Variants in GPHN observed in about 807,000 individuals in gnomAD.
GPHN encodes gephyrin.
A neutral mutation model predicts 95.5 loss-of-function variants in GPHN; 17 were observed. That is an observed-to-expected ratio of 0.18 (90% CI 0.12 to 0.27). The LOEUF is 0.27. Ranked by LOEUF, GPHN falls within the 10% of genes least tolerant of loss-of-function variation. The pLI, the probability that GPHN is intolerant of heterozygous loss-of-function variation, is 1.00. For missense variants in GPHN, 660 were observed against 978.1 expected (o/e 0.67, Z 4.34); for synonymous variants, 320 against 322.5 (o/e 0.99, Z 0.08).
chr14:66,937,769 G>A (rs911835169), intron 8 of GPHN, among the ~76,000 whole-genome samples: 2 of 152,182 alleles, frequency 1.3e-5, no homozygotes, highest in African/African-American at 4.8e-5. Flanking sequence ...TTTTCTTAGG[G>A]AATCTCAGAT....
chr14:66,937,663 C>T (rs1365006303), intron 8 of GPHN, among the ~76,000 whole-genome samples: 1 of 152,166 alleles, frequency 6.6e-6, no homozygotes, highest in African/African-American at 2.4e-5. Context: ...AGGCATGAGC[C>T]ACCGCACCTG....
chr14:67,086,631 G>A (rs1407430885), intron 11 of GPHN, among the ~76,000 whole-genome samples: 1 of 144,158 alleles, frequency 6.9e-6, no homozygotes, highest in South Asian at 2.2e-4. Context: ...CAGCCTGGGC[G>A]ACAGCGAGAC....
chr14:66,574,676 G>A (rs1292113972), intron 1 of GPHN, among the ~76,000 whole-genome samples: 2 of 152,190 alleles, frequency 1.3e-5, no homozygotes, highest in African/African-American at 4.8e-5. Flanking sequence ...ATGTTCTAGA[G>A]AAGATTTGTT....
the GPHN span, among the ~76,000 whole-genome samples, chr14:67,354,883 G>A: frequency 2.6e-5 from 4 of 152,176 alleles, no homozygotes; most frequent in South Asian, 8.3e-4. Flanking sequence ...GCGCGATCTC[G>A]GCTCACTGCA....
chr14:67,709,280 C>T, the GPHN span, among the ~76,000 whole-genome samples: 5,591 of 152,222 alleles, frequency 0.037, 299 homozygotes, highest in African/African-American at 0.12. Context: ...AGGTGAAAAC[C>T]TTCATTCTTT....
the GPHN span, among the ~76,000 whole-genome samples, chr14:67,734,860 A>G: frequency 6.6e-6 from 1 of 152,218 alleles, no homozygotes; most frequent in African/African-American, 2.4e-5. Context: ...CCACTTGCAG[A>G]ATGCATCATT....
At chr14:67,313,569 T>C in the GPHN span, among the ~76,000 whole-genome samples, 1 of 152,120 alleles carries the variant, frequency 6.6e-6, no homozygotes, top group African/African-American at 2.4e-5. Flanking sequence ...AGAGCAGAAC[T>C]AAGGGAAGTT....
At chr14:67,670,315 CT>C in the GPHN span, among the ~76,000 whole-genome samples, 857 of 152,240 alleles carry the variant, frequency 5.6e-3, 6 homozygotes, top group Middle Eastern at 0.01. Flanking sequence ...CACAATCTGG[CT>C]GTTTCACCTG....
At chr14:67,352,682 A>C in the GPHN span, 1 of 370,580 alleles carries the variant, frequency 2.7e-6, no homozygotes, top group Admixed American at 4.4e-5. Flanking sequence ...GAATGCTCTA[A>C]ATAAGGTAAG....
chr14:67,338,497 G>A, the GPHN span: 3 of 1,058,194 alleles, frequency 2.8e-6, no homozygotes, highest in East Asian at 7.6e-5. Context: ...AGACATCTAG[G>A]TAAATTTTAC....
intron 1 of GPHN, among the ~76,000 whole-genome samples, chr14:66,530,267 A>G (rs7147192): frequency 0.31 from 47,246 of 151,940 alleles, 11,167 homozygotes; most frequent in African/African-American, 0.64. Flanking sequence ...CTGCCTACTC[A>G]AGCCTCAGTA....
At chr14:67,097,689 T>A (rs965573684) in intron 12 of GPHN, among the ~76,000 whole-genome samples, 1 of 152,164 alleles carries the variant, frequency 6.6e-6, no homozygotes, top group Admixed American at 6.5e-5. Context: ...TCTCATAAAA[T>A]CATGTTTCTT....
At chr14:67,378,218 A>G in the GPHN span, among the ~76,000 whole-genome samples, 6 of 151,118 alleles carry the variant, frequency 4.0e-5, no homozygotes, top group East Asian at 7.8e-4. Flanking sequence ...TAGAGGGGGG[A>G]AAAAAGAGAA....
At chr14:67,372,397 C>A in the GPHN span, among the ~76,000 whole-genome samples, 1 of 152,134 alleles carries the variant, frequency 6.6e-6, no homozygotes, top group African/African-American at 2.4e-5. Context: ...TTAGATAGCA[C>A]ACTAAAAGCG....
At chr14:67,555,641 C>A in the GPHN span, among the ~76,000 whole-genome samples, 1 of 152,222 alleles carries the variant, frequency 6.6e-6, no homozygotes, top group African/African-American at 2.4e-5. Context: ...GCCCCATGAA[C>A]TCAGGATTAG....
At chr14:67,255,977 C>T in the GPHN span, among the ~76,000 whole-genome samples, 1 of 152,198 alleles carries the variant, frequency 6.6e-6, no homozygotes. Context: ...AGTTGTGAGC[C>T]TCTGTGCTCA....
the GPHN span, among the ~76,000 whole-genome samples, chr14:67,427,999 G>A: frequency 6.6e-6 from 1 of 150,404 alleles, no homozygotes; most frequent in East Asian, 2.0e-4. Flanking sequence ...CTGGCTCACT[G>A]CAACCTCTGC....
the GPHN span, among the ~76,000 whole-genome samples, chr14:67,510,334 G>T: frequency 1.3e-5 from 2 of 152,150 alleles, no homozygotes; most frequent in African/African-American, 4.8e-5. Flanking sequence ...GTCAGGGAGG[G>T]ATCCCAGATT....
At chr14:66,584,104 C>T (rs1037277765) in intron 1 of GPHN, among the ~76,000 whole-genome samples, 1 of 152,100 alleles carries the variant, frequency 6.6e-6, no homozygotes, top group African/African-American at 2.4e-5. Context: ...TCCTTCACAT[C>T]CCTTGTAAGT....
Sources: allele counts gnomAD v4.1 joint callset (sites outside exome capture counted in the v4.1 genomes callset), GRCh38; gene constraint gnomAD v4.1.1; transcripts MANE v1.5; gene names NCBI Gene and HGNC (gene_info 2026-07-23, HGNC 2026-07-21).